Variants in RYR1 observed in about 807,000 individuals in gnomAD.
The protein encoded by RYR1 is ryanodine receptor 1.
Under a neutral mutation model 583.5 loss-of-function variants are expected in RYR1, and 342 were observed. The observed-to-expected ratio is 0.59, with a 90% CI of 0.54 to 0.64. The LOEUF (loss-of-function observed/expected upper bound fraction) is 0.64, where lower values mean the gene tolerates loss of function less well. Among genes scored for constraint, RYR1 ranks in the 30% least tolerant of loss-of-function variants. The pLI, the probability that RYR1 is intolerant of heterozygous loss-of-function variation, is 0.00. For synonymous variants in RYR1, 2,791 were observed against 2,822.5 expected (o/e 0.99, Z 0.35); for missense variants, 6,032 against 6,917.2 (o/e 0.87, Z 4.54).
chr19:38,486,148 G>T lies in RYR1; in HGVS notation c.5493G>T (p.Gly1831=), dbSNP rs140004449. The T allele has an allele frequency of 7.3e-4, 1,170 of 1,613,130 alleles. 11 individuals are homozygous for T. The African/African-American group carries it at 0.014, about 19-fold the overall frequency. The change falls in exon 34 of 106, where the codon GGG becomes GGT. Residue 1831 remains glycine (G), a synonymous_variant. Coordinates refer to ENST00000359596, the MANE Select transcript of RYR1 (RefSeq NM_000540.3). ...GGCAGCACGCTCGCGACCCCGTCGG[G>T]GGCTCCGTGGAGTTCCAGTTTGTGC... ...DGGQHARDPV[G]GSVEFQFVPV...
chr19:38,510,630 G>C, intron 59 of RYR1, 30 bp from the exon 60 acceptor site: 1 of 1,614,108 alleles, frequency 6.2e-7, no homozygotes, highest in Non-Finnish European at 8.5e-7. Flanking sequence ...CCCCTCATTG[G>C]ACCCTTTATC....
intron 63 of RYR1, among the ~76,000 whole-genome samples, chr19:38,513,337 AAAAAG>A (rs927353244): frequency 3.3e-5 from 5 of 151,858 alleles, no homozygotes; most frequent in Admixed American, 6.6e-5. Context: ...ACTCCATCTC[AAAAAG>A]AAAAGAAAAG....
In RYR1 at chr19:38,505,096, C is replaced by T; in HGVS notation, c.8310+15C>T. ...CCTTCGACAAGGTTGGCCTCAGGGT[C>T]CTCCTATCCAAGAAACCCTCAAGAC... On this transcript the variant is annotated intron_variant, in intron 52 of 105. Coordinates refer to ENST00000359596, the MANE Select transcript of RYR1 (RefSeq NM_000540.3). 1.9e-6 allele frequency: 3 copies of T among 1,612,026 alleles called. No individual in the cohort carries two copies. The highest frequency in any genetic ancestry group is 1.7e-6 in the Non-Finnish European group (2 of 1,178,130).
intron 11 of RYR1, among the ~76,000 whole-genome samples, chr19:38,449,386 G>A (rs1966961158): frequency 6.6e-6 from 1 of 152,194 alleles, no homozygotes; most frequent in Non-Finnish European, 1.5e-5. Flanking sequence ...CTTGAACCTG[G>A]GAAGTGGAGG....
chr19:38,502,565 T>C lies in RYR1; in HGVS notation c.7673T>C (p.Val2558Ala), dbSNP rs777134421. The C allele has an allele frequency of 3.1e-6, 5 of 1,611,760 alleles. No homozygotes were observed. The East Asian group carries it at 1.1e-4, about 36-fold the overall frequency. Residue 2558 changes from valine (V) to alanine (A), a missense_variant, in exon 48 of 106, where the codon GTG becomes GCG. By Grantham distance (64) the Val-to-Ala change is moderately conservative. Transcript: ENST00000359596. ...LALNRYLCLA[V>A]LPLITKCAPL... The stretch of plus-strand genomic sequence containing the variant: ...CTGAACCGCTACCTGTGCCTGGCCG[T>C]GCTGCCGCTCATCACCAAGTGTGCG...
chr19:38,510,302 CAA>C (rs1970668700), intron 58 of RYR1, among the ~76,000 whole-genome samples, 194 bp from the exon 59 acceptor site: 1 of 148,848 alleles, frequency 6.7e-6, no homozygotes, highest in African/African-American at 2.5e-5. Flanking sequence ...GTCTGGGTGA[CAA>C]GAAAAAAAAA....
chr19:38,502,641 G>T lies in RYR1; in HGVS notation c.7749G>T (p.Leu2583=), dbSNP rs1464028010. 6.2e-7 allele frequency: 1 copy of T among 1,612,910 alleles called. No individual in the cohort carries two copies. Residue 2583 remains leucine, a synonymous_variant, in exon 48 of 106, where the codon CTG becomes CTT. Coordinates refer to ENST00000359596, the MANE Select transcript of RYR1 (RefSeq NM_000540.3). Reference sequence around the variant, plus strand: ...GCGCCATCATGGTGGACTCTATGCTGCATACCGTGTACCGCCTGTCTCGGG... The same window carrying T: ...GCGCCATCATGGTGGACTCTATGCTTCATACCGTGTACCGCCTGTCTCGGG... ...EHRAIMVDSM[L]HTVYRLSRGR... is the part of the protein sequence containing the mutation.
chr19:38,565,347 C>T lies in RYR1; in HGVS notation c.13013C>T (p.Ala4338Val). ...AATAVAALLWAAVTRAGAAGA... is the reference protein window; with the variant it reads ...AATAVAALLWVAVTRAGAAGA... ...ACCGCAGTGGCGGCGCTGCTCTGGG[C>T]AGCAGTGACGCGCGCTGGGGCCGCT... Residue 4338 changes from alanine to valine, a missense_variant, in exon 91 of 106, where the codon GCA becomes GTA. Around this residue, in one of 11 missense-constraint regions of RYR1, gnomAD observed 753 missense variants for 759.6 expected, o/e 0.99. Coordinates refer to ENST00000359596, the MANE Select transcript of RYR1 (RefSeq NM_000540.3). This position sits in a 1 kb window ranked among gnomAD's most constrained non-coding sequence, Gnocchi z 4.7. 7.7e-7 allele frequency: 1 copy of T among 1,291,576 alleles called. No homozygotes were observed. The highest frequency in any genetic ancestry group is 9.7e-7 in the Non-Finnish European group (1 of 1,028,792). The allele number at this position is 1,291,576 out of a possible 1,614,324, so 80.0% of individuals were successfully genotyped here.
rs192239942 is a variant in RYR1 at position 38,499,838 on chromosome 19, C to T, written c.7214+17C>T. 149 of 1,610,504 alleles carry T rather than the reference C, an allele frequency of 9.3e-5. 1 individual carries two copies. In the South Asian group the frequency reaches 1.5e-3, roughly 17 times the overall value. On this transcript the variant is annotated intron_variant, in intron 44 of 105. Transcript: ENST00000359596. This position sits in a 1 kb window ranked among gnomAD's most constrained non-coding sequence, Gnocchi z 7.3. ...GCGCGAGCAGTGAGTCTCCCGGCCCCCTCCTCAATAGGGCAACCCGCCCTC... is the reference window on the plus strand; with the variant it reads ...GCGCGAGCAGTGAGTCTCCCGGCCCTCTCCTCAATAGGGCAACCCGCCCTC...
At chr19:38,481,496 T>C (rs560788389) in intron 31 of RYR1, among the ~76,000 whole-genome samples, 1 of 152,312 alleles carries the variant, frequency 6.6e-6, no homozygotes, top group South Asian at 2.1e-4. Flanking sequence ...TCATTTCATA[T>C]GTAGATTTCC....
intron 20 of RYR1, among the ~76,000 whole-genome samples, chr19:38,461,984 G>C (rs1443246571): frequency 1.3e-5 from 2 of 149,738 alleles, no homozygotes; most frequent in African/African-American, 4.9e-5. Flanking sequence ...GAACCCGGGA[G>C]GTGGAGGTTG....
At chr19:38,586,465 GAAAAATA>G (rs1974493876) in intron 104 of RYR1, 53 bp from the exon 105 acceptor site, 2 of 1,538,582 alleles carry the variant, frequency 1.3e-6, no homozygotes, top group Admixed American at 3.3e-5. Flanking sequence ...TACTATAAAT[GAAAAATA>G]AAATAAGGTA....
chr19:38,492,666 A>C, intron 38 of RYR1, 30 bp downstream of exon 38: 112 of 745,446 alleles, frequency 1.5e-4, no homozygotes, highest in Non-Finnish European at 2.1e-4. Flanking sequence ...GGGAGAGGGC[A>C]GGGGTGGGGT....
Position 38,520,693 on chromosome 19 carries a change from C to CAAAAAAAAAAAAAAAAAAA in RYR1, c.10259+1247_10259+1265dup, listed in dbSNP as rs71165555. Among the ~76,000 whole-genome samples, 75 of 46,898 alleles carry CAAAAAAAAAAAAAAAAAAA rather than the reference C, an allele frequency of 1.6e-3. 5 individuals carry two copies. The highest frequency in any genetic ancestry group is 7.8e-3 in the East Asian group (6 of 772). The allele number at this position is 46,898 out of a possible 152,430, so 30.8% of individuals were successfully genotyped here. A position where few individuals can be genotyped will look rare whatever the true frequency, so the allele number is the denominator to read the frequency against. ...CTAGGAACAGAGCGAGGCTCCACCT[C>CAAAAAAAAAAAAAAAAAAA]AAAAAAAAAAAAAAAAAAAAAAAAA... On this transcript the variant is annotated intron_variant, in intron 67 of 105. Transcript: ENST00000359596.
At position 38,444,595 on chromosome 19, in the gene RYR1, C is replaced by T. The variant is rs147707866; in HGVS notation, c.549C>T (p.Thr183=). 7.3e-5 allele frequency: 118 copies of T among 1,613,676 alleles called. No homozygotes were observed. The highest frequency in any genetic ancestry group is 9.3e-5 in the African/African-American group (7 of 74,910). ...VSSERYLHLS[T]ASGELQVDAS... ...CTGGTGGCCCCCAGCACCTGTCGAC[C>T]GCCAGTGGGGAGCTCCAGGTTGACG... is the stretch of plus-strand genomic sequence containing the variant. Residue 183 remains threonine, a synonymous_variant, in exon 7 of 106, where the codon ACC becomes ACT. Coordinates refer to ENST00000359596, the MANE Select transcript of RYR1 (RefSeq NM_000540.3). This position sits in a 1 kb window ranked among gnomAD's most constrained non-coding sequence, Gnocchi z 5.1.
intron 91 of RYR1, 65 bp from the exon 92 acceptor site, chr19:38,566,846 G>A: frequency 1.3e-6 from 2 of 1,558,730 alleles, no homozygotes; most frequent in Non-Finnish European, 1.7e-6. Flanking sequence ...GATGAGAGGA[G>A]CAGGCAGGCA....
chr19:38,550,776 A>G (rs1007533624), intron 89 of RYR1, among the ~76,000 whole-genome samples: 1 of 152,138 alleles, frequency 6.6e-6, no homozygotes, highest in Non-Finnish European at 1.5e-5. Flanking sequence ...TTTGGAATCA[A>G]TAAGTGTCTC....
At position 38,485,974 on chromosome 19, in the gene RYR1, C is replaced by G; in HGVS notation, c.5319C>G (p.Pro1773=). The change falls in exon 34 of 106, where the codon CCC becomes CCG. Residue 1773 remains proline (P), a synonymous_variant. Coordinates refer to ENST00000359596, the MANE Select transcript of RYR1 (RefSeq NM_000540.3). ...TTGGAGTCACCACTTCGCTGAGGCC[C>G]CCGCATCATTTCTCGCCCCCCTGTT... ...PGVGVTTSLR[P]PHHFSPPCFV... 4 of 1,613,684 alleles carry G rather than the reference C, an allele frequency of 2.5e-6. No homozygotes were observed. Among genetic ancestry groups the G allele is most frequent in the Non-Finnish European group, 3.4e-6 (4 of 1,179,976 alleles).
chr19:38,435,537 G>A (rs1302228205), intron 1 of RYR1, among the ~76,000 whole-genome samples: 3 of 152,134 alleles, frequency 2.0e-5, no homozygotes, highest in Non-Finnish European at 4.4e-5. Flanking sequence ...TTTGAGACCA[G>A]CCTGGCCAAC....
Sources: gnomAD v4.1 joint callset for allele counts (sites outside exome capture counted in the v4.1 genomes callset) on GRCh38, gnomAD v4.1.1 for gene constraint, gnomAD v4.1.1 regional missense constraint, Gnocchi (gnomAD v3.1) non-coding constraint, MANE v1.5 for transcripts, NCBI Gene and HGNC (gene_info 2026-07-23, HGNC 2026-07-21) for gene names.